Variants in CELF2 observed in about 807,000 individuals in gnomAD.
CELF2 encodes CUGBP Elav-like family member 2.
Under a neutral mutation model 62.6 loss-of-function variants are expected in CELF2, and 8 were observed. That is an observed-to-expected ratio of 0.13 (90% CI 0.07 to 0.23). CELF2 has a LOEUF of 0.23. CELF2 is among the 10% of genes least tolerant of loss of function. The probability of loss-of-function intolerance (pLI) is 1.00; values close to 1 mark genes in which losing one functional copy is unlikely to be tolerated. For synonymous variants in CELF2, 258 were observed against 250.0 expected, an observed-to-expected ratio of 1.03 and a Z score of -0.30; for missense variants, 333 against 671.0, an observed-to-expected ratio of 0.50 and a Z score of 5.56.
intron 1 of CELF2, among the ~76,000 whole-genome samples, chr10:11,097,676 C>T (rs1194567048): frequency 6.6e-6 from 1 of 152,196 alleles, no homozygotes; most frequent in Non-Finnish European, 1.5e-5. Flanking sequence ...TCACCAAGTG[C>T]CCATGTATAG....
chr10:10,494,359 T>C, the CELF2 span, among the ~76,000 whole-genome samples: 1 of 152,230 alleles, frequency 6.6e-6, no homozygotes, highest in East Asian at 1.9e-4. Flanking sequence ...GCTTTGTTAC[T>C]GAATGGTAGA....
In CELF2 at chr10:11,159,781, G is replaced by A. The variant is rs2065283347; in HGVS notation, c.75-5705G>A. 6.6e-6 allele frequency among the ~76,000 whole-genome samples: 1 copy of A among 152,212 alleles called. No homozygotes were observed. ...GCAGCTGAGTCTTGGACAGTTTCCTGTAATAACCAAACAAAGCCTGTTTCT... is the reference window on the plus strand; with the variant it reads ...GCAGCTGAGTCTTGGACAGTTTCCTATAATAACCAAACAAAGCCTGTTTCT... On this transcript the variant is annotated intron_variant, in intron 1 of 12. Coordinates refer to ENST00000633077, the MANE Select transcript of CELF2 (RefSeq NM_001326342.2). The surrounding 1 kb of genome is among the most constrained non-coding windows in gnomAD (Gnocchi z 5.0).
At chr10:11,036,886 G>T (rs1453213216) in intron 1 of CELF2, among the ~76,000 whole-genome samples, 1 of 152,070 alleles carries the variant, frequency 6.6e-6, no homozygotes, top group African/African-American at 2.4e-5. Context: ...TCCTCTGTTG[G>T]CCTATGTGAC....
the CELF2 span, among the ~76,000 whole-genome samples, chr10:10,659,064 G>C: frequency 3.3e-5 from 5 of 152,048 alleles, no homozygotes; most frequent in Admixed American, 2.6e-4. Flanking sequence ...CTGATTATTG[G>C]AAAAATCAAA....
In CELF2 at chr10:10,931,476, A is replaced by T. The variant is rs1306094554; in HGVS notation, c.89+11477A>T. Among the ~76,000 whole-genome samples the T allele has an allele frequency of 6.6e-6, 1 of 152,150 alleles. No homozygotes were observed. Among genetic ancestry groups the T allele is most frequent in the African/African-American group, 2.4e-5 (1 of 41,414 alleles). On this transcript the variant is annotated intron_variant, in intron 2 of 13. Transcript: ENST00000636488. This position sits in a 1 kb window ranked among gnomAD's most constrained non-coding sequence, Gnocchi z 6.1. ...TGAGTAAGTGGAAACTCTATTTACCACCACAGTTATAGCATTTGAGACCCT... is the reference window on the plus strand; with the variant it reads ...TGAGTAAGTGGAAACTCTATTTACCTCCACAGTTATAGCATTTGAGACCCT...
rs2067164518 is a variant in CELF2 at position 11,227,884 on chromosome 10, G to A, written c.354+10377G>A. On this transcript the variant is annotated intron_variant, in intron 3 of 12. Coordinates refer to ENST00000633077, the MANE Select transcript of CELF2 (RefSeq NM_001326342.2). This position sits in a 1 kb window ranked among gnomAD's most constrained non-coding sequence, Gnocchi z 4.8. ...TAACTGAGTGACTGTGGGTCGCTGG[G>A]TGTATTTTAATCTGTGACATTCCAC... 6.6e-6 allele frequency among the ~76,000 whole-genome samples: 1 copy of A among 152,144 alleles called. No homozygotes were observed. Among genetic ancestry groups the A allele is most frequent in the Non-Finnish European group, 1.5e-5 (1 of 68,024 alleles).
chr10:11,025,453 G>A (rs993514477), intron 1 of CELF2, among the ~76,000 whole-genome samples: 4 of 152,006 alleles, frequency 2.6e-5, no homozygotes, highest in African/African-American at 9.7e-5. Flanking sequence ...TTTATAAGGG[G>A]CCCTTCCCCC....
chr10:11,050,516 A>G (rs2063724957), intron 1 of CELF2, among the ~76,000 whole-genome samples: 1 of 152,220 alleles, frequency 6.6e-6, no homozygotes, highest in Non-Finnish European at 1.5e-5. Context: ...GGACTGTAGC[A>G]GCTCCTGCTG....
chr10:10,590,278 A>T, the CELF2 span, among the ~76,000 whole-genome samples: 1 of 152,236 alleles, frequency 6.6e-6, no homozygotes, highest in Non-Finnish European at 1.5e-5. Flanking sequence ...TCAAGAAAAG[A>T]TTGGCTATTT....
chr10:11,182,708 G>A (rs1162288599), intron 2 of CELF2, among the ~76,000 whole-genome samples: 2 of 152,292 alleles, frequency 1.3e-5, no homozygotes, highest in South Asian at 4.1e-4. Context: ...CTTTTAATTA[G>A]ACATTCTGCC....
At chr10:10,745,131 A>AC in the CELF2 span, among the ~76,000 whole-genome samples, 1 of 119,304 alleles carries the variant, frequency 8.4e-6, no homozygotes, top group Non-Finnish European at 2.0e-5. Flanking sequence ...AAAAAAACAA[A>AC]ACAAAAAAAA....
the CELF2 span, among the ~76,000 whole-genome samples, chr10:10,508,099 A>G: frequency 6.6e-6 from 1 of 152,124 alleles, no homozygotes; most frequent in Non-Finnish European, 1.5e-5. Flanking sequence ...TGGGGATACT[A>G]TCTTCGTCTT....
intron 1 of CELF2, among the ~76,000 whole-genome samples, chr10:11,070,980 A>G (rs997621642): frequency 5.3e-5 from 8 of 152,200 alleles, no homozygotes; most frequent in Admixed American, 2.0e-4. Context: ...AAAGAAGGGG[A>G]TAGTATAGAT....
the CELF2 span, among the ~76,000 whole-genome samples, chr10:10,511,249 G>A: frequency 7.2e-5 from 11 of 152,034 alleles, no homozygotes; most frequent in African/African-American, 2.6e-4. Flanking sequence ...ATCTCTACTG[G>A]AAAATACAAA....
At chr10:10,767,014 G>A in the CELF2 span, among the ~76,000 whole-genome samples, 1 of 152,142 alleles carries the variant, frequency 6.6e-6, no homozygotes, top group African/African-American at 2.4e-5. Context: ...ACAGGAACAG[G>A]TGAGTGTGTG....
chr10:10,547,449 T>C, the CELF2 span, among the ~76,000 whole-genome samples: 1 of 152,198 alleles, frequency 6.6e-6, no homozygotes, highest in African/African-American at 2.4e-5. Context: ...CTCAAACGGA[T>C]AGCACAGGAC....
intron 1 of CELF2, among the ~76,000 whole-genome samples, chr10:11,029,933 T>A (rs933643774): frequency 6.6e-6 from 1 of 152,246 alleles, no homozygotes; most frequent in African/African-American, 2.4e-5. Flanking sequence ...GCCACGTGAT[T>A]GGCCACACTT....
chr10:11,203,495 G>A (rs908109973), intron 2 of CELF2, among the ~76,000 whole-genome samples: 26 of 152,136 alleles, frequency 1.7e-4, no homozygotes, highest in Admixed American at 3.9e-4. Flanking sequence ...GACATGGAGC[G>A]GTGAAGAAGT....
chr10:11,110,111 A>G lies in CELF2; in HGVS notation c.75-55375A>G, dbSNP rs1260988400. On this transcript the variant is annotated intron_variant, in intron 1 of 12. Coordinates refer to ENST00000633077, the MANE Select transcript of CELF2 (RefSeq NM_001326342.2). The surrounding 1 kb of genome is among the most constrained non-coding windows in gnomAD (Gnocchi z 4.0). Reference sequence around the variant, plus strand: ...TCATTGCTACTAAAAATTTTTAAAAATTAGTTGGGCATGGTGGCATGCTCC... The same window carrying G: ...TCATTGCTACTAAAAATTTTTAAAAGTTAGTTGGGCATGGTGGCATGCTCC... Among the ~76,000 whole-genome samples the G allele has an allele frequency of 6.6e-6, 1 of 152,058 alleles. No homozygotes were observed. Among genetic ancestry groups the G allele is most frequent in the Non-Finnish European group, 1.5e-5 (1 of 68,004 alleles).
Sources: allele counts gnomAD v4.1 joint callset (sites outside exome capture counted in the v4.1 genomes callset), GRCh38; gene constraint gnomAD v4.1.1; non-coding constraint Gnocchi (gnomAD v3.1); transcripts MANE v1.5; gene names NCBI Gene and HGNC (gene_info 2026-07-23, HGNC 2026-07-21).